PIM3: variants seen among roughly 807,000 people sequenced by gnomAD.
PIM3 encodes the protein Pim-3 proto-oncogene, serine/threonine kinase.
PIM3 carries 13 observed loss-of-function variants against 27.5 expected under a neutral mutation model. The ratio of observed to expected loss-of-function variants is 0.47; its 90% CI spans 0.31 to 0.75. The LOEUF is 0.75. Ranked by LOEUF, PIM3 falls within the 30% of genes least tolerant of loss-of-function variation. PIM3 has a pLI of 0.05. For missense variants in PIM3, 482 were observed against 476.9 expected, an observed-to-expected ratio of 1.01 and a Z score of -0.10; for synonymous variants, 341 against 221.1, an observed-to-expected ratio of 1.54 and a Z score of -4.81.
chr22:49,961,412 G>C (rs535690800), intron 3 of PIM3, 30 bp from the exon 4 acceptor site: 2 of 1,419,418 alleles, frequency 1.4e-6, no homozygotes, highest in South Asian at 3.1e-5. Context: ...GGGCGGGCGC[G>C]GGGCTTTTGC....
In PIM3 at chr22:49,961,248, C is replaced by G. The variant is rs374587751; in HGVS notation, c.195+14C>G. ...GACGGGCTCCCGGTGAGTCGGACCG[C>G]CGGGCGGGCCCGGGTTTCTCGCGCG... is the stretch of plus-strand genomic sequence containing the variant. On this transcript the variant is annotated intron_variant, in intron 2 of 5. Coordinates refer to ENST00000360612, the MANE Select transcript of PIM3 (RefSeq NM_001001852.4). 1.3e-6 allele frequency: 2 copies of G among 1,532,774 alleles called. No individual in the cohort carries two copies. The highest frequency in any genetic ancestry group is 2.1e-5 in the Admixed American group (1 of 47,960). The allele number at this position is 1,532,774 out of a possible 1,614,324, so 94.9% of individuals were successfully genotyped here. A position where few individuals can be genotyped will look rare whatever the true frequency, so the allele number is the denominator to read the frequency against.
chr22:49,962,958 G>A lies in PIM3; in HGVS notation c.812G>A (p.Arg271Gln), dbSNP rs779066356. The A allele has an allele frequency of 8.7e-6, 14 of 1,607,092 alleles. No individual in the cohort carries two copies. The East Asian group carries it at 8.9e-5, about 10-fold the overall frequency. ...CGCACAGAGTGCCAGCAGCTGATCCGGTGGTGCCTGTCCCTGCGGCCCTCA... is the reference window on the plus strand; with the variant it reads ...CGCACAGAGTGCCAGCAGCTGATCCAGTGGTGCCTGTCCCTGCGGCCCTCA... Reference protein sequence around the residue: ...RVSPECQQLIRWCLSLRPSER... With the variant: ...RVSPECQQLIQWCLSLRPSER... Residue 271 changes from arginine to glutamine, a missense_variant, in exon 6 of 6, where the codon CGG (arginine) becomes CAG (glutamine). By Grantham distance (43) the Arg-to-Gln change is conservative (BLOSUM62 1). Transcript: ENST00000360612.
intron 4 of PIM3, among the ~76,000 whole-genome samples, chr22:49,962,134 G>C (rs1485679682): frequency 1.3e-5 from 2 of 152,096 alleles, no homozygotes; most frequent in African/African-American, 4.8e-5. Flanking sequence ...GGTAGCGGAG[G>C]AGTCTCCGTG....
Position 49,963,310 on chromosome 22 carries a change from G to T in PIM3, c.*183G>T. 1.5e-6 allele frequency: 1 copy of T among 675,136 alleles called. No individual in the cohort carries two copies. Among genetic ancestry groups the T allele is most frequent in the Non-Finnish European group, 2.4e-6 (1 of 420,644 alleles). The allele number at this position is 675,136 out of a possible 1,614,324, so 41.8% of individuals were successfully genotyped here. On this transcript the variant is annotated 3_prime_UTR_variant, in exon 6 of 6. Transcript: ENST00000360612. ...GTCCCGCGGGACTTGGTTTTCTCAA[G>T]CTCTGTCTGTCCAAAGACGCTCCGG...
At chr22:49,962,111 C>A (rs1404611394) in intron 4 of PIM3, among the ~76,000 whole-genome samples, 1 of 152,064 alleles carries the variant, frequency 6.6e-6, no homozygotes, top group African/African-American at 2.4e-5. Flanking sequence ...CCGAGAGACC[C>A]CCGGCTGGGG....
In PIM3 at chr22:49,962,412, C is replaced by A. The variant is rs376107338; in HGVS notation, c.617-277C>A. Among the ~76,000 whole-genome samples, 456 of 150,760 alleles carry A rather than the reference C, an allele frequency of 3.0e-3. 3 individuals are homozygous for A. Among genetic ancestry groups the A allele is most frequent in the African/African-American group, 0.011 (432 of 41,090 alleles). On this transcript the variant is annotated intron_variant, in intron 4 of 5. Transcript: ENST00000360612. The stretch of plus-strand genomic sequence containing the variant: ...TAAGGGACCCGCGCTGTCCCCCCCC[C>A]ACCCAGGTAGCCTCACAGCGCATCT...
In PIM3 at chr22:49,962,976, G is replaced by A. The variant is rs770713831; in HGVS notation, c.830G>A (p.Arg277Gln). ...QQLIRWCLSL[R>Q]PSERPSLDQI... ...CTGATCCGGTGGTGCCTGTCCCTGCGGCCCTCAGAGCGGCCGTCGCTGGAT... is the reference window on the plus strand; with the variant it reads ...CTGATCCGGTGGTGCCTGTCCCTGCAGCCCTCAGAGCGGCCGTCGCTGGAT... The change falls in exon 6 of 6, where the codon CGG (arginine) becomes CAG (glutamine). Residue 277 changes from arginine (R) to glutamine (Q), a missense_variant. Arg to Gln is a conservative substitution (Grantham distance 43). Coordinates refer to ENST00000360612, the MANE Select transcript of PIM3 (RefSeq NM_001001852.4). 8.7e-6 allele frequency: 14 copies of A among 1,609,574 alleles called. No homozygotes were observed. Among genetic ancestry groups the A allele is most frequent in the South Asian group, 2.2e-5 (2 of 91,022 alleles).
At chr22:49,962,620 C>G (rs1038527031) in intron 4 of PIM3, 69 bp from the exon 5 acceptor site, 1 of 1,510,448 alleles carries the variant, frequency 6.6e-7, no homozygotes. Context: ...AGTTAACCAG[C>G]AGGGACCTCG....
In PIM3 at chr22:49,960,865, G is replaced by C. The variant is rs1255297174; in HGVS notation, c.-83G>C. On this transcript the variant is annotated 5_prime_UTR_variant, in exon 1 of 6. Coordinates refer to ENST00000360612, the MANE Select transcript of PIM3 (RefSeq NM_001001852.4). ...CGGACCGCCTCGGGCTCGGACGGCCGGTGTCCCCGGCGCGCCGCTCGCCCG... is the reference window on the plus strand; with the variant it reads ...CGGACCGCCTCGGGCTCGGACGGCCCGTGTCCCCGGCGCGCCGCTCGCCCG... 2 of 1,043,082 alleles carry C rather than the reference G, an allele frequency of 1.9e-6. No homozygotes were observed. The highest frequency in any genetic ancestry group is 2.3e-6 in the Non-Finnish European group (2 of 852,870). 64.6% of individuals were successfully genotyped at this position (1,043,082 alleles called of 1,614,324 possible). A position where few individuals can be genotyped will look rare whatever the true frequency, so the allele number is the denominator to read the frequency against.
In PIM3 at chr22:49,961,435, C is replaced by T. The variant is rs751035089; in HGVS notation, c.247-7C>T. 2 of 1,416,730 alleles carry T rather than the reference C, an allele frequency of 1.4e-6. No homozygotes were observed. The highest frequency in any genetic ancestry group is 1.5e-5 in the African/African-American group (1 of 66,174). The allele number at this position is 1,416,730 out of a possible 1,614,324, so 87.8% of individuals were successfully genotyped here. A position where few individuals can be genotyped will look rare whatever the true frequency, so the allele number is the denominator to read the frequency against. On this transcript the variant is annotated splice_region_variant and splice_polypyrimidine_tract_variant and intron_variant, in intron 3 of 5. Coordinates refer to ENST00000360612, the MANE Select transcript of PIM3 (RefSeq NM_001001852.4). ...GCGGGGCTTTTGCTGACCGCCGTGTCCCCCAGGGCGGCGCGACCGTGCCCC... is the reference window on the plus strand; with the variant it reads ...GCGGGGCTTTTGCTGACCGCCGTGTTCCCCAGGGCGGCGCGACCGTGCCCC...
At position 49,962,778 on chromosome 22, in the gene PIM3, T is replaced by C. The variant is rs777617254; in HGVS notation, c.706T>C (p.Tyr236His). The C allele has an allele frequency of 6.2e-7, 1 of 1,612,784 alleles. No homozygotes were observed. Among genetic ancestry groups the C allele is most frequent in the Non-Finnish European group, 8.5e-7 (1 of 1,179,980 alleles). ...CGTGTGGTCGCTGGGCGTGCTTCTC[T>C]ACGATATGGTGTGTGGGGACATCCC... ...ATVWSLGVLL[Y>H]DMVCGDIPFE... Residue 236 changes from tyrosine (Y) to histidine (H), a missense_variant, in exon 5 of 6, where the codon TAC becomes CAC. Coordinates refer to ENST00000360612, the MANE Select transcript of PIM3 (RefSeq NM_001001852.4).
intron 4 of PIM3, among the ~76,000 whole-genome samples, chr22:49,962,428 C>T (rs1414342833): frequency 6.6e-6 from 1 of 150,756 alleles, no homozygotes; most frequent in African/African-American, 2.4e-5. Flanking sequence ...GGTAGCCTCA[C>T]AGCGCATCTG....
In PIM3 at chr22:49,961,897, G is replaced by A. The variant is rs561389472; in HGVS notation, c.616+86G>A. On this transcript the variant is annotated intron_variant, in intron 4 of 5. Transcript: ENST00000360612. The stretch of plus-strand genomic sequence containing the variant: ...AGGGGCGGCACATGGAGGGGCTGAT[G>A]ACTGTTGGGCGGCCGCGCGCCCTGG... 35 of 1,553,574 alleles carry A rather than the reference G, an allele frequency of 2.3e-5. No individual in the cohort carries two copies. In the South Asian group the frequency reaches 3.9e-4, roughly 17 times the overall value.
In PIM3 at chr22:49,961,681, C is replaced by T. The variant is rs768871085; in HGVS notation, c.486C>T (p.His162=). Residue 162 remains histidine, a synonymous_variant, in exon 4 of 6, where the codon CAC becomes CAT. Transcript: ENST00000360612. The part of the protein sequence containing the change: ...AQVLAAVRHC[H]SCGVVHRDIK... ...TGCTGGCCGCCGTGCGCCACTGCCACAGCTGCGGGGTCGTGCACCGCGACA... is the reference window on the plus strand; with the variant it reads ...TGCTGGCCGCCGTGCGCCACTGCCATAGCTGCGGGGTCGTGCACCGCGACA... 52 of 1,596,654 alleles carry T rather than the reference C, an allele frequency of 3.3e-5. No homozygotes were observed. Among genetic ancestry groups the T allele is most frequent in the African/African-American group, 5.4e-5 (4 of 74,604 alleles).
In PIM3 at chr22:49,962,702, C is replaced by T. The variant is rs1363808719; in HGVS notation, c.630C>T (p.Tyr210=). Residue 210 remains tyrosine, a synonymous_variant, in exon 5 of 6, where the codon TAC becomes TAT. Coordinates refer to ENST00000360612, the MANE Select transcript of PIM3 (RefSeq NM_001001852.4). The part of the protein sequence containing the change: ...VYTDFDGTRV[Y]SPPEWIRYHR... ...GTGTCCCCTTAGGCACCCGAGTGTA[C>T]AGCCCCCCGGAGTGGATCCGCTACC... is the stretch of plus-strand genomic sequence containing the variant. 3.1e-6 allele frequency: 5 copies of T among 1,610,640 alleles called. No individual in the cohort carries two copies. The African/African-American group carries it at 5.3e-5, about 17-fold the overall frequency.
rs1195587616 is a variant in PIM3 at position 49,961,729 on chromosome 22, G to A, written c.534G>A (p.Val178=). The change falls in exon 4 of 6, where the codon GTG becomes GTA. Residue 178 remains valine, a synonymous_variant. Coordinates refer to ENST00000360612, the MANE Select transcript of PIM3 (RefSeq NM_001001852.4). ...ACATTAAGGACGAAAATCTGCTTGT[G>A]GACCTGCGCTCCGGAGAGCTCAAGC... ...HRDIKDENLL[V]DLRSGELKLI... 1.9e-6 allele frequency: 3 copies of A among 1,610,868 alleles called. No homozygotes were observed. Among genetic ancestry groups the A allele is most frequent in the Admixed American group, 1.7e-5 (1 of 59,746 alleles).
Position 49,960,888 on chromosome 22 carries a change from C to G in PIM3, c.-60C>G. ...CCGGTGTCCCCGGCGCGCCGCTCGC[C>G]CGGATCGGCCGCGGCTTCGGCGCCT... On this transcript the variant is annotated 5_prime_UTR_variant, in exon 1 of 6. Transcript: ENST00000360612. 1 of 1,151,268 alleles carries G rather than the reference C, an allele frequency of 8.7e-7. No individual in the cohort carries two copies. The highest frequency in any genetic ancestry group is 1.1e-6 in the Non-Finnish European group (1 of 937,254). The allele number at this position is 1,151,268 out of a possible 1,614,324, so 71.3% of individuals were successfully genotyped here.
At chr22:49,962,436 C>T (rs1015602358) in intron 4 of PIM3, among the ~76,000 whole-genome samples, 3 of 150,638 alleles carry the variant, frequency 2.0e-5, no homozygotes, top group Non-Finnish European at 4.4e-5. Context: ...CACAGCGCAT[C>T]TGTTTGTTGT....
In PIM3 at chr22:49,961,762, C is replaced by T. The variant is rs1401297141; in HGVS notation, c.567C>T (p.Asp189=). 3.1e-6 allele frequency: 5 copies of T among 1,611,914 alleles called. No homozygotes were observed. The highest frequency in any genetic ancestry group is 4.2e-6 in the Non-Finnish European group (5 of 1,179,522). Residue 189 remains aspartate, a synonymous_variant, in exon 4 of 6, where the codon GAC becomes GAT. Coordinates refer to ENST00000360612, the MANE Select transcript of PIM3 (RefSeq NM_001001852.4). ...GCTCCGGAGAGCTCAAGCTCATCGA[C>T]TTCGGTTCGGGTGCGCTGCTCAAGG... is the stretch of plus-strand genomic sequence containing the variant. ...DLRSGELKLI[D]FGSGALLKDT...
Sources: gnomAD v4.1 joint callset for allele counts (sites outside exome capture counted in the v4.1 genomes callset) on GRCh38, gnomAD v4.1.1 for gene constraint, MANE v1.5 for transcripts, NCBI Gene and HGNC (gene_info 2026-07-23, HGNC 2026-07-21) for gene names.